Variants in POLD3 observed in about 807,000 individuals in gnomAD.
POLD3 encodes DNA polymerase delta 3, accessory subunit, also known as DNA polymerase delta subunit 3.
In POLD3, 19 loss-of-function variants were observed where a neutral mutation model predicts 58.2. The observed-to-expected ratio is 0.33, with a 90% CI of 0.23 to 0.48. POLD3 has a LOEUF of 0.48. Among genes scored for constraint, POLD3 ranks in the 20% least tolerant of loss-of-function variants. POLD3 has a pLI of 0.99. For synonymous variants in POLD3, 172 were observed against 193.5 expected (o/e 0.89, Z 0.92); for missense variants, 504 against 545.5 (o/e 0.92, Z 0.76).
chr11:74,650,110 G>T (rs565777142), intron 4 of POLD3, among the ~76,000 whole-genome samples: 1 of 152,298 alleles, frequency 6.6e-6, no homozygotes, highest in African/African-American at 2.4e-5. Flanking sequence ...AAAGTGCCCA[G>T]TTTATAGTGG....
intron 9 of POLD3, among the ~76,000 whole-genome samples, chr11:74,632,069 T>G (rs2032610648): frequency 6.6e-6 from 1 of 152,072 alleles, no homozygotes; most frequent in Non-Finnish European, 1.5e-5. Flanking sequence ...CTAGGAGAAA[T>G]GTAGTTTTAA....
chr11:74,609,015 G>T (rs2031793733), intron 3 of POLD3, among the ~76,000 whole-genome samples: 2 of 152,080 alleles, frequency 1.3e-5, no homozygotes, highest in East Asian at 1.9e-4. Flanking sequence ...GTGAATTTTG[G>T]TGGTTCCGAA....
intron 3 of POLD3, among the ~76,000 whole-genome samples, chr11:74,608,962 T>TA (rs2031792078): frequency 6.6e-6 from 1 of 152,218 alleles, no homozygotes; most frequent in Admixed American, 6.5e-5. Context: ...TTACACTTTT[T>TA]AAAAAACTTA....
At chr11:74,601,765 G>A (rs2135120843) in intron 2 of POLD3, among the ~76,000 whole-genome samples, 1 of 152,236 alleles carries the variant, frequency 6.6e-6, no homozygotes, top group Admixed American at 6.5e-5. Context: ...CTGGGCGACA[G>A]AGTGAGACTC....
intron 4 of POLD3, among the ~76,000 whole-genome samples, chr11:74,650,548 C>A (rs138025856): frequency 1.3e-3 from 193 of 152,296 alleles, no homozygotes; most frequent in Non-Finnish European, 2.0e-3. Context: ...ATAAACAGAT[C>A]TTTGGCAGCA....
downstream of POLD3, among the ~76,000 whole-genome samples, chr11:74,643,366 A>C (rs1291894836): frequency 1.3e-5 from 2 of 152,198 alleles, no homozygotes; most frequent in Non-Finnish European, 2.9e-5. Flanking sequence ...TGTATCTACT[A>C]TGTGTCAAGC....
At chr11:74,667,139 C>T (rs1037106031) in intron 4 of POLD3, among the ~76,000 whole-genome samples, 1 of 150,686 alleles carries the variant, frequency 6.6e-6, no homozygotes, top group Non-Finnish European at 1.5e-5. Context: ...GGAGAGTTGT[C>T]CAGTTGTCCA....
At chr11:74,647,198 A>G (rs894284636), downstream of POLD3, among the ~76,000 whole-genome samples, 1 of 152,212 alleles carries the variant, frequency 6.6e-6, no homozygotes, top group African/African-American at 2.4e-5. Flanking sequence ...CTAGCAGGCC[A>G]CAGACCAGAA....
chr11:74,653,506 C>T (rs944981959), intron 4 of POLD3, among the ~76,000 whole-genome samples: 5 of 152,022 alleles, frequency 3.3e-5, no homozygotes, highest in Admixed American at 6.6e-5. Flanking sequence ...GTTAAATATG[C>T]GTATTGTAAA....
At chr11:74,611,928 TCTAA>T (rs1435819975) in intron 4 of POLD3, among the ~76,000 whole-genome samples, 1 of 152,238 alleles carries the variant, frequency 6.6e-6, no homozygotes, top group African/African-American at 2.4e-5. Flanking sequence ...ATTAAATTTG[TCTAA>T]CTGTTTCAAG....
intron 4 of POLD3, among the ~76,000 whole-genome samples, chr11:74,667,466 C>T (rs2033285364): frequency 6.6e-6 from 1 of 152,080 alleles, no homozygotes; most frequent in Admixed American, 6.5e-5. Flanking sequence ...GGGGGCGGAG[C>T]TTGCAGTGAG....
chr11:74,597,374 A>G (rs550639987), intron 2 of POLD3, among the ~76,000 whole-genome samples: 17 of 152,238 alleles, frequency 1.1e-4, no homozygotes, highest in African/African-American at 4.1e-4. Flanking sequence ...TTGCACTTAT[A>G]TTTAATTCTG....
Position 74,641,233 on chromosome 11 carries a change from C to G in POLD3, c.*467C>G. On this transcript the variant is annotated 3_prime_UTR_variant, in exon 12 of 12. Coordinates refer to ENST00000263681, the MANE Select transcript of POLD3 (RefSeq NM_006591.3). ...CCCCTCTTGTCTTCCTGCAGTACCA[C>G]ACTTCTGTCCCCTAACCTCCTGAGG... The G allele has an allele frequency of 1.0e-6, 1 of 985,552 alleles. No homozygotes were observed. Among genetic ancestry groups the G allele is most frequent in the Middle Eastern group, 5.2e-4 (1 of 1,916 alleles). 61.1% of individuals were successfully genotyped at this position (985,552 alleles called of 1,614,324 possible). A position where few individuals can be genotyped will look rare whatever the true frequency, so the allele number is the denominator to read the frequency against.
chr11:74,663,997 T>C (rs2033235907), intron 4 of POLD3, among the ~76,000 whole-genome samples: 1 of 152,142 alleles, frequency 6.6e-6, no homozygotes, highest in South Asian at 2.1e-4. Flanking sequence ...CGGCACTGAA[T>C]AAAGGAAGAT....
intron 4 of POLD3, among the ~76,000 whole-genome samples, chr11:74,657,250 G>C (rs2135197671): frequency 6.6e-6 from 1 of 151,530 alleles, no homozygotes; most frequent in Admixed American, 6.6e-5. Context: ...TGTGTCTTTT[G>C]ATTGGAGAAC....
At position 74,642,409 on chromosome 11, in the gene POLD3, TA is replaced by T. The variant is rs2032937274; in HGVS notation, c.*1644del. On this transcript the variant is annotated 3_prime_UTR_variant, in exon 12 of 12. Transcript: ENST00000263681. ...TGGAGAGAAATCCCTTTTAAACAGT[TA>T]CTTTTGTCATTGCCTCTGGTCATTT... 1.0e-6 allele frequency: 1 copy of T among 985,044 alleles called. No homozygotes were observed. The allele number at this position is 985,044 out of a possible 1,614,324, so 61.0% of individuals were successfully genotyped here.
chr11:74,598,100 G>A (rs1439273094), intron 2 of POLD3, among the ~76,000 whole-genome samples: 1 of 151,642 alleles, frequency 6.6e-6, no homozygotes, highest in African/African-American at 2.4e-5. Flanking sequence ...AAAAAAGGGA[G>A]GAAAGAAAGA....
chr11:74,595,591 G>C (rs1005306128), intron 2 of POLD3: 1 of 152,084 alleles, frequency 6.6e-6, no homozygotes, highest in East Asian at 1.9e-4. Context: ...CTTTCTTGAT[G>C]GTGTGCTTTG....
At position 74,620,079 on chromosome 11, in the gene POLD3, A is replaced by G; in HGVS notation, c.723A>G (p.Lys241=). ...KGNMMSNFFG[K]AAMNKFKVNL... Reference sequence around the variant, plus strand: ...ATATGATGAGCAACTTTTTTGGAAAAGCTGCTATGAGTAAGCATGTTCTTA... The same window carrying G: ...ATATGATGAGCAACTTTTTTGGAAAGGCTGCTATGAGTAAGCATGTTCTTA... Residue 241 remains lysine (K), a synonymous_variant, in exon 7 of 12, where the codon AAA becomes AAG. Transcript: ENST00000263681. 1 of 1,609,652 alleles carries G rather than the reference A, an allele frequency of 6.2e-7. No individual in the cohort carries two copies. The highest frequency in any genetic ancestry group is 8.5e-7 in the Non-Finnish European group (1 of 1,175,930).
Sources: allele counts gnomAD v4.1 joint callset (sites outside exome capture counted in the v4.1 genomes callset), GRCh38; gene constraint gnomAD v4.1.1; transcripts MANE v1.5; gene names NCBI Gene and HGNC (gene_info 2026-07-23, HGNC 2026-07-21).